Variants in ZNF765 observed in about 807,000 individuals in gnomAD.
ZNF765 encodes zinc finger protein 765.
Under a neutral mutation model 44.7 loss-of-function variants are expected in ZNF765, and 37 were observed. The observed-to-expected ratio is 0.83, with a 90% confidence interval of 0.64 to 1.09. ZNF765 has a LOEUF of 1.09. Among genes scored for constraint, ZNF765 ranks in the 50% least tolerant of loss-of-function variants. The pLI, the probability that ZNF765 is intolerant of heterozygous loss-of-function variation, is 0.00. For missense variants in ZNF765, 594 were observed against 626.1 expected (o/e 0.95, Z 0.55); for synonymous variants, 201 against 213.7 (o/e 0.94, Z 0.52).
rs753049549 is a variant in ZNF765, at chr19:53,408,583, C to A, written c.1028C>A (p.Thr343Lys). ...ACCTTTAGTCAGAAGTCGTACCTTA[C>A]ATGCCATCGTAGGCTTCATACTGGA... Reference protein sequence around the residue: ...GKTFSQKSYLTCHRRLHTGEK... With the variant: ...GKTFSQKSYLKCHRRLHTGEK... The change falls in exon 4 of 4, where the codon ACA becomes AAA. Residue 343 changes from threonine (T) to lysine (K), a missense_variant. Transcript: ENST00000396408. 1.2e-6 allele frequency: 2 copies of A among 1,613,434 alleles called. No individual in the cohort carries two copies. Among genetic ancestry groups the A allele is most frequent in the Admixed American group, 3.3e-5 (2 of 59,944 alleles).
exon 4 of ZNF765, chr19:53,426,113 C>G (rs2085937910): frequency 6.5e-6 from 1 of 152,966 alleles, no homozygotes; most frequent in Non-Finnish European, 1.5e-5. Context: ...CAGGGACCCA[C>G]CAGTGGGGCT....
In ZNF765 at chr19:53,411,407, C is replaced by T. The variant is rs2085832858; in HGVS notation, c.*2280C>T. 6.6e-6 allele frequency: 1 copy of T among 152,426 alleles called. No homozygotes were observed. Among genetic ancestry groups the T allele is most frequent in the Non-Finnish European group, 1.5e-5 (1 of 68,596 alleles). The allele number at this position is 152,426 out of a possible 1,614,324, so 9.4% of individuals were successfully genotyped here. ...TCCCAGGTTCAAGCAATTCTCCTGC[C>T]TCAGCCTCCAGAGTAGCTAGGATTA... is the stretch of plus-strand genomic sequence containing the variant. On this transcript the variant is annotated 3_prime_UTR_variant, in exon 4 of 4. Coordinates refer to ENST00000396408, the MANE Select transcript of ZNF765 (RefSeq NM_001040185.3).
chr19:53,409,788 G>A lies in ZNF765; in HGVS notation c.*661G>A, dbSNP rs1286466064. On this transcript the variant is annotated 3_prime_UTR_variant, in exon 4 of 4. Coordinates refer to ENST00000396408, the MANE Select transcript of ZNF765 (RefSeq NM_001040185.3). Reference sequence around the variant, plus strand: ...CATACTGGAGAGATACCTTAAAAGTGTAGTGAGTGTGGCAAGACCTTTAGT... The same window carrying A: ...CATACTGGAGAGATACCTTAAAAGTATAGTGAGTGTGGCAAGACCTTTAGT... The A allele has an allele frequency of 1.3e-5, 10 of 790,466 alleles. No individual in the cohort carries two copies. Among genetic ancestry groups the A allele is most frequent in the East Asian group, 2.8e-5 (1 of 36,250 alleles). The allele number at this position is 790,466 out of a possible 1,614,324, so 49.0% of individuals were successfully genotyped here.
intron 1 of ZNF765, among the ~76,000 whole-genome samples, chr19:53,397,527 G>A (rs1030899045): frequency 6.6e-6 from 1 of 152,136 alleles, no homozygotes; most frequent in African/African-American, 2.4e-5. Context: ...ACACACAGAC[G>A]TGCACAACCA....
chr19:53,408,963 G>A lies in ZNF765; in HGVS notation c.1408G>A (p.Glu470Lys), dbSNP rs1248353967. 1 of 1,604,222 alleles carries A rather than the reference G, an allele frequency of 6.2e-7. No homozygotes were observed. The change falls in exon 4 of 4, where the codon GAG (glutamate) becomes AAG (lysine). Residue 470 changes from glutamate to lysine, a missense_variant. Coordinates refer to ENST00000396408, the MANE Select transcript of ZNF765 (RefSeq NM_001040185.3). ...TGAAGAGAATCCTTACAAGTGTAAT[G>A]AGTGTGGCAAGACCTTCAGCCGGAC... is the stretch of plus-strand genomic sequence containing the variant. ...HTEENPYKCN[E>K]CGKTFSRTSS...
chr19:53,404,134 A>G (rs1341529031), intron 3 of ZNF765, among the ~76,000 whole-genome samples: 2 of 152,082 alleles, frequency 1.3e-5, no homozygotes, highest in African/African-American at 4.8e-5. Context: ...CTGGAGTGCA[A>G]TGGCACAATC....
In ZNF765 at chr19:53,410,639, A is replaced by G; in HGVS notation, c.*1512A>G. 1 of 480,814 alleles carries G rather than the reference A, an allele frequency of 2.1e-6. No homozygotes were observed. 29.8% of individuals were successfully genotyped at this position (480,814 alleles called of 1,614,324 possible). On this transcript the variant is annotated 3_prime_UTR_variant, in exon 4 of 4. Coordinates refer to ENST00000396408, the MANE Select transcript of ZNF765 (RefSeq NM_001040185.3). Reference sequence around the variant, plus strand: ...TTCAGTTACACTACAACCATTGCGAATCATTGGAGAATCCATAATGAAGAG... The same window carrying G: ...TTCAGTTACACTACAACCATTGCGAGTCATTGGAGAATCCATAATGAAGAG...
chr19:53,397,364 A>G (rs999855813), intron 1 of ZNF765, among the ~76,000 whole-genome samples: 13 of 152,186 alleles, frequency 8.5e-5, no homozygotes, highest in African/African-American at 2.9e-4. Flanking sequence ...TTGCAACTTT[A>G]TGATGCGGTT....
At chr19:53,418,434 ACACAGAAC>A (rs1215387727) in intron 3 of ZNF765, among the ~76,000 whole-genome samples, 2 of 152,214 alleles carry the variant, frequency 1.3e-5, no homozygotes, top group African/African-American at 4.8e-5. Flanking sequence ...GCAGGTGAGT[ACACAGAAC>A]CACAATCCCA....
chr19:53,406,232 T>C (rs2085775024), intron 3 of ZNF765, among the ~76,000 whole-genome samples: 1 of 151,738 alleles, frequency 6.6e-6, no homozygotes, highest in African/African-American at 2.4e-5. Flanking sequence ...GATTTCACCA[T>C]GTTGGCCAGG....
At chr19:53,406,318 C>T (rs1474148035) in intron 3 of ZNF765, among the ~76,000 whole-genome samples, 4 of 151,820 alleles carry the variant, frequency 2.6e-5, no homozygotes, top group Non-Finnish European at 4.4e-5. Flanking sequence ...CCTGAGCCAC[C>T]GTGTCCAGCC....
rs34326774 is a variant in ZNF765, at chr19:53,411,292, A to ATT, written c.*2181_*2182dup. On this transcript the variant is annotated 3_prime_UTR_variant, in exon 4 of 4. Coordinates refer to ENST00000396408, the MANE Select transcript of ZNF765 (RefSeq NM_001040185.3). Reference sequence around the variant, plus strand: ...GTTTCTTTAACAAAAACTGATAGGGATTTTTTTTTTTTTTTTTGAGATGGA... The same window carrying ATT: ...GTTTCTTTAACAAAAACTGATAGGGATTTTTTTTTTTTTTTTTTTGAGATGGA... 0.48 allele frequency: 64,392 copies of ATT among 133,042 alleles called. 16,227 individuals carry two copies. The highest frequency in any genetic ancestry group is 0.56 in the African/African-American group (19,449 of 35,012). The allele number at this position is 133,042 out of a possible 1,614,324, so 8.2% of individuals were successfully genotyped here.
chr19:53,404,211 G>A (rs1482792621), intron 3 of ZNF765, among the ~76,000 whole-genome samples: 1 of 152,124 alleles, frequency 6.6e-6, no homozygotes, highest in Admixed American at 6.5e-5. Flanking sequence ...CTGAGTAGCT[G>A]GGATTACAGG....
intron 3 of ZNF765, among the ~76,000 whole-genome samples, chr19:53,403,164 A>G (rs546893705): frequency 1.4e-3 from 216 of 152,008 alleles, no homozygotes; most frequent in African/African-American, 5.1e-3. Flanking sequence ...TGTCTCAAAA[A>G]AAAAAAGAAA....
chr19:53,418,541 G>A (rs2085888193), intron 3 of ZNF765, among the ~76,000 whole-genome samples: 1 of 152,086 alleles, frequency 6.6e-6, no homozygotes, highest in Non-Finnish European at 1.5e-5. Context: ...AAGGATGGGT[G>A]AGGTGACTGT....
At chr19:53,414,617 C>T (rs956331473), downstream of ZNF765, among the ~76,000 whole-genome samples, 6 of 150,940 alleles carry the variant, frequency 4.0e-5, no homozygotes, top group Admixed American at 1.3e-4. Flanking sequence ...TTCTGGCCTT[C>T]TACGGGATGA....
exon 4 of ZNF765, chr19:53,424,588 A>G (rs2147110477): frequency 6.6e-6 from 1 of 152,278 alleles, no homozygotes; most frequent in East Asian, 1.9e-4. Flanking sequence ...GTTAGTAGGC[A>G]GAAAATGGCT....
At chr19:53,401,790 C>A in intron 2 of ZNF765, 1 of 691,452 alleles carries the variant, frequency 1.4e-6, no homozygotes. Context: ...GCAGGAGAAT[C>A]GTTTGATCCT....
chr19:53,412,403 C>T (rs117763054), downstream of ZNF765, among the ~76,000 whole-genome samples: 2,535 of 152,230 alleles, frequency 0.017, 179 homozygotes, highest in East Asian at 0.23. Flanking sequence ...CTTTTTACAT[C>T]CTCTTGAATA....
Sources: allele counts gnomAD v4.1 joint callset (sites outside exome capture counted in the v4.1 genomes callset), GRCh38; gene constraint gnomAD v4.1.1; transcripts MANE v1.5; gene names NCBI Gene and HGNC (gene_info 2026-07-23, HGNC 2026-07-21).